Variants in NXPH1 observed in about 807,000 individuals in gnomAD.
NXPH1 encodes the protein neurexophilin-1.
Under a neutral mutation model 23.7 loss-of-function variants are expected in NXPH1, and 5 were observed. The ratio of observed to expected loss-of-function variants is 0.21; its 90% CI spans 0.11 to 0.44. The LOEUF is 0.44. NXPH1 is among the 20% of genes least tolerant of loss of function. NXPH1 has a pLI of 0.99. For missense variants in NXPH1, 324 were observed against 321.6 expected (o/e 1.01, Z -0.06); for synonymous variants, 144 against 122.2 (o/e 1.18, Z -1.18).
chr7:8,739,171 T>TAAAACAA (rs1780316351), intron 2 of NXPH1, among the ~76,000 whole-genome samples: 1 of 54,044 alleles, frequency 1.9e-5, no homozygotes, highest in Non-Finnish European at 3.3e-5. Context: ...ACCAGTGGGG[T>TAAAACAA]AAAAAAAAAA....
chr7:8,497,746 G>T (rs1817362342), intron 2 of NXPH1, among the ~76,000 whole-genome samples: 1 of 152,040 alleles, frequency 6.6e-6, no homozygotes. Flanking sequence ...TAAGTTCTTT[G>T]TAGATTCTGG....
chr7:8,480,972 C>T (rs576988375), intron 2 of NXPH1, among the ~76,000 whole-genome samples: 1 of 152,124 alleles, frequency 6.6e-6, no homozygotes, highest in African/African-American at 2.4e-5. Flanking sequence ...CAATTACTGA[C>T]AGAAACTAGG....
chr7:8,557,156 C>T (rs1323449104), intron 2 of NXPH1, among the ~76,000 whole-genome samples: 1 of 151,616 alleles, frequency 6.6e-6, no homozygotes, highest in Non-Finnish European at 1.5e-5. Context: ...TGTTTGGGTC[C>T]ATACATGTGC....
intron 2 of NXPH1, among the ~76,000 whole-genome samples, chr7:8,492,368 T>C (rs990052895): frequency 2.6e-5 from 4 of 152,046 alleles, no homozygotes; most frequent in Non-Finnish European, 5.9e-5. Flanking sequence ...GATTTAGCCA[T>C]GTAAGAGCTG....
intron 2 of NXPH1, among the ~76,000 whole-genome samples, chr7:8,718,129 C>G (rs376366159): frequency 2.0e-5 from 3 of 152,024 alleles, no homozygotes; most frequent in South Asian, 2.1e-4. Context: ...TGCATTTGCT[C>G]TCTCTCAACA....
intron 2 of NXPH1, among the ~76,000 whole-genome samples, chr7:8,684,135 A>G (rs1449053227): frequency 1.3e-5 from 2 of 152,158 alleles, no homozygotes; most frequent in Admixed American, 6.5e-5. Flanking sequence ...CAAGCTGAAA[A>G]GATGGGTTGG....
intron 2 of NXPH1, among the ~76,000 whole-genome samples, chr7:8,691,653 G>A (rs1004626021): frequency 6.6e-6 from 1 of 152,152 alleles, no homozygotes; most frequent in East Asian, 1.9e-4. Context: ...GCAAATATTT[G>A]CAAATAAGCT....
chr7:8,583,921 A>T (rs1163213481), intron 2 of NXPH1, among the ~76,000 whole-genome samples: 1 of 152,206 alleles, frequency 6.6e-6, no homozygotes, highest in Non-Finnish European at 1.5e-5. Flanking sequence ...TCAAGCTTCC[A>T]GTAGCTAATG....
chr7:8,728,232 T>C lies in NXPH1; in HGVS notation c.55-22776T>C, dbSNP rs555874701. ...GAAGTTGCTTATCAGCTTAAGGAGA[T>C]TTTGGGCTGAGACAATGGGGTTTCC... On this transcript the variant is annotated intron_variant, in intron 2 of 2. Transcript: ENST00000405863. Among the ~76,000 whole-genome samples, 846 of 152,288 alleles carry C rather than the reference T, an allele frequency of 5.6e-3. 2 individuals carry two copies. Among genetic ancestry groups the C allele is most frequent in the Middle Eastern group, 0.01 (3 of 294 alleles).
At chr7:8,632,188 C>A (rs1820146162) in intron 2 of NXPH1, among the ~76,000 whole-genome samples, 2 of 152,212 alleles carry the variant, frequency 1.3e-5, no homozygotes, top group South Asian at 2.1e-4. Flanking sequence ...TTAAAATTTT[C>A]TTCCTCCAAT....
Position 8,663,527 on chromosome 7 carries a change from C to CAAACAAA in NXPH1, c.55-87481_55-87480insAAACAAA, listed in dbSNP as rs1295337484. Among the ~76,000 whole-genome samples, 18 of 152,172 alleles carry CAAACAAA rather than the reference C, an allele frequency of 1.2e-4. No homozygotes were observed. In the South Asian group the frequency reaches 2.3e-3, roughly 19 times the overall value. On this transcript the variant is annotated intron_variant, in intron 2 of 2. Transcript: ENST00000405863. The stretch of plus-strand genomic sequence containing the variant: ...ATGTGTAATTGCAAACAAATAATAG[C>CAAACAAA]TAAAGCCGGCTTCTGTTCCAGATAA...
intron 2 of NXPH1, among the ~76,000 whole-genome samples, chr7:8,488,657 G>A (rs1023889844): frequency 1.3e-5 from 2 of 152,000 alleles, no homozygotes; most frequent in African/African-American, 2.4e-5. Context: ...TTTCATGTTC[G>A]CCTTCATATA....
intron 2 of NXPH1, among the ~76,000 whole-genome samples, chr7:8,713,600 C>A (rs887492065): frequency 1.1e-4 from 16 of 152,024 alleles, no homozygotes; most frequent in African/African-American, 3.9e-4. Flanking sequence ...TCTTGGGAAG[C>A]CTTTCCAGGT....
intron 2 of NXPH1, among the ~76,000 whole-genome samples, chr7:8,647,366 T>C (rs2349502): frequency 6.6e-6 from 1 of 151,916 alleles, no homozygotes; most frequent in Non-Finnish European, 1.5e-5. Context: ...GGCAGGAAAA[T>C]AAAGGGGTGG....
intron 2 of NXPH1, among the ~76,000 whole-genome samples, chr7:8,542,206 A>G (rs1048862899): frequency 1.8e-4 from 28 of 151,720 alleles, no homozygotes; most frequent in African/African-American, 6.5e-4. Flanking sequence ...ATAAAAGTGG[A>G]TCTGTGAGCA....
chr7:8,506,558 C>T (rs1369299913), intron 2 of NXPH1, among the ~76,000 whole-genome samples: 1 of 152,074 alleles, frequency 6.6e-6, no homozygotes, highest in Admixed American at 6.6e-5. Context: ...GATACCATCT[C>T]TGCTCTCCCT....
intron 2 of NXPH1, among the ~76,000 whole-genome samples, chr7:8,653,854 A>C (rs190769001): frequency 6.6e-6 from 1 of 152,280 alleles, no homozygotes; most frequent in Admixed American, 6.5e-5. Context: ...CATTTCTTAC[A>C]ATACATAGCT....
chr7:8,555,971 G>A (rs559552510), intron 2 of NXPH1, among the ~76,000 whole-genome samples: 1 of 151,720 alleles, frequency 6.6e-6, no homozygotes, highest in South Asian at 2.1e-4. Flanking sequence ...TTGCACTGGG[G>A]TTAAATATTT....
intron 2 of NXPH1, among the ~76,000 whole-genome samples, chr7:8,617,187 A>T (rs13223927): frequency 1.3e-5 from 2 of 152,130 alleles, no homozygotes; most frequent in Non-Finnish European, 2.9e-5. Context: ...TCCAGTCCCA[A>T]TGTCAATGGT....
Sources: allele counts gnomAD v4.1 joint callset (sites outside exome capture counted in the v4.1 genomes callset), GRCh38; gene constraint gnomAD v4.1.1; transcripts MANE v1.5; gene names NCBI Gene and HGNC (gene_info 2026-07-23, HGNC 2026-07-21).